The following AXIN2 variants were observed in gnomAD, a reference collection of about 807,000 sequenced individuals.
AXIN2 encodes axin-2.
A neutral mutation model predicts 74.7 loss-of-function variants in AXIN2; 21 were observed. That is an observed-to-expected ratio of 0.28 (90% CI 0.20 to 0.40). AXIN2 has a LOEUF of 0.40. AXIN2 is among the 10% of genes least tolerant of loss of function. The pLI, the probability that AXIN2 is intolerant of heterozygous loss-of-function variation, is 1.00. For synonymous variants in AXIN2, 532 were observed against 454.9 expected (o/e 1.17, Z -2.16); for missense variants, 1,144 against 1,111.1 (o/e 1.03, Z -0.42).
chr17:65,553,483 T>C (rs1248468387), intron 2 of AXIN2, among the ~76,000 whole-genome samples: 5 of 152,124 alleles, frequency 3.3e-5, no homozygotes, highest in African/African-American at 7.2e-5. Flanking sequence ...AATGACTCAA[T>C]AGAAAATTCC....
chr17:65,547,133 T>C (rs1445452019), intron 3 of AXIN2, among the ~76,000 whole-genome samples: 1 of 152,144 alleles, frequency 6.6e-6, no homozygotes, highest in South Asian at 2.1e-4. Context: ...AAAGAAAGTT[T>C]TTCTTCTGGG....
intron 8 of AXIN2, among the ~76,000 whole-genome samples, chr17:65,536,115 C>T (rs938302712): frequency 2.6e-5 from 4 of 152,226 alleles, no homozygotes; most frequent in Admixed American, 2.6e-4. Flanking sequence ...CAGATCCTGG[C>T]TTAACTCTAG....
rs779214199 is a variant in AXIN2, at chr17:65,536,518, G to C, written c.1943C>G (p.Ser648Cys). 6.2e-7 allele frequency: 1 copy of C among 1,613,866 alleles called. No individual in the cohort carries two copies. The highest frequency in any genetic ancestry group is 1.1e-5 in the South Asian group (1 of 91,080). ...TCGTTCGCCTGGAGACGAGCGGGCA[G>C]ACTCCAAGGGGTAGGCCTTTTTTGT... is the stretch of plus-strand genomic sequence containing the variant. ...QSTKKAYPLE[S>C]ARSSPGERAS... The change falls in exon 8 of 11, where the codon TCT (serine) becomes TGT (cysteine). Residue 648 changes from serine to cysteine, a missense_variant. Around this residue, in one of 4 missense-constraint regions of AXIN2, gnomAD observed 1,053 missense variants for 973.5 expected, o/e 1.08. Transcript: ENST00000307078.
chr17:65,541,534 A>C lies in AXIN2; in HGVS notation c.980T>G (p.Val327Gly). Reference sequence around the variant, plus strand: ...TCTCTGGAGCTGTTTCTTACTGCCCACACGATAAGGAGGAATTCCATCTCT... The same window carrying C: ...TCTCTGGAGCTGTTTCTTACTGCCCCCACGATAAGGAGGAATTCCATCTCT... ...SSVDGIPPYR[V>G]GSKKQLQREM... The change falls in exon 4 of 11, where the codon GTG becomes GGG. Residue 327 changes from valine to glycine, a missense_variant. Val to Gly is a moderately radical substitution (Grantham distance 109, BLOSUM62 -3). Around this residue, in one of 4 missense-constraint regions of AXIN2, gnomAD observed 1,053 missense variants for 973.5 expected, o/e 1.08. Transcript: ENST00000307078. 6.2e-7 allele frequency: 1 copy of C among 1,614,162 alleles called. No homozygotes were observed.
intron 1 of AXIN2, chr17:65,560,382 G>T (rs1445393360): frequency 6.6e-6 from 1 of 151,420 alleles, no homozygotes; most frequent in Non-Finnish European, 1.5e-5. Context: ...AAAGGGGAGG[G>T]GGAAGAGAAG....
intron 2 of AXIN2, among the ~76,000 whole-genome samples, chr17:65,553,127 C>T (rs2144557670): frequency 6.6e-6 from 1 of 152,346 alleles, no homozygotes; most frequent in African/African-American, 2.4e-5. Flanking sequence ...AATGACTGGA[C>T]ACTGGTGTTT....
At chr17:65,535,385 G>C (rs1187326207) in intron 9 of AXIN2, among the ~76,000 whole-genome samples, 1 of 152,186 alleles carries the variant, frequency 6.6e-6, no homozygotes, top group African/African-American at 2.4e-5. Flanking sequence ...CTACACTTCT[G>C]CTAATGGCTT....
At position 65,537,306 on chromosome 17, in the gene AXIN2, G is replaced by A. The variant is rs370314874; in HGVS notation, c.1712+18C>T. On this transcript the variant is annotated intron_variant, in intron 6 of 10. Coordinates refer to ENST00000307078, the MANE Select transcript of AXIN2 (RefSeq NM_004655.4). ...AGACAAGCCCCACACGGGACACTGCGGTCCGCCCGGCACTTACCCAAACTG... is the reference window on the plus strand; with the variant it reads ...AGACAAGCCCCACACGGGACACTGCAGTCCGCCCGGCACTTACCCAAACTG... 7 of 1,613,550 alleles carry A rather than the reference G, an allele frequency of 4.3e-6. No individual in the cohort carries two copies. The highest frequency in any genetic ancestry group is 1.7e-4 in the Middle Eastern group (1 of 5,744).
At chr17:65,547,619 T>G (rs1025749358) in intron 3 of AXIN2, among the ~76,000 whole-genome samples, 2 of 152,178 alleles carry the variant, frequency 1.3e-5, no homozygotes, top group Non-Finnish European at 2.9e-5. Context: ...AAGCCAAAAA[T>G]AGTCTCTAAG....
At chr17:65,534,992 T>C (rs532327975) in intron 9 of AXIN2, among the ~76,000 whole-genome samples, 38 of 152,186 alleles carry the variant, frequency 2.5e-4, no homozygotes, top group African/African-American at 8.2e-4. Flanking sequence ...GGTCAACCAA[T>C]TGAAACAATG....
intron 9 of AXIN2, among the ~76,000 whole-genome samples, chr17:65,535,147 G>A (rs570779933): frequency 3.3e-5 from 5 of 152,284 alleles, no homozygotes; most frequent in Admixed American, 3.3e-4. Flanking sequence ...GTAATTAAAC[G>A]AGCAGGCTCC....
chr17:65,535,864 G>T, intron 8 of AXIN2, 143 bp from the exon 9 acceptor site: 1 of 776,780 alleles, frequency 1.3e-6, no homozygotes, highest in Non-Finnish European at 2.2e-6. Context: ...CCAAGACCCT[G>T]GGTTAACAGT....
chr17:65,538,787 T>A (rs889464736), intron 4 of AXIN2, among the ~76,000 whole-genome samples: 4 of 144,792 alleles, frequency 2.8e-5, no homozygotes, highest in Non-Finnish European at 6.0e-5. Context: ...GTTGAAAATT[T>A]AAAAAAATAA....
Position 65,537,812 on chromosome 17 carries a change from C to A in AXIN2, c.1224G>T (p.Glu408Asp). 1.3e-6 allele frequency: 2 copies of A among 1,572,562 alleles called. No individual in the cohort carries two copies. Among genetic ancestry groups the A allele is most frequent in the South Asian group, 1.2e-5 (1 of 84,492 alleles). The change falls in exon 6 of 11, where the codon GAG (glutamate) becomes GAT (aspartate). Residue 408 changes from glutamate (E) to aspartate (D), a missense_variant. Glu to Asp is a conservative substitution (Grantham distance 45). This residue lies in a region of AXIN2 where 1,053 missense variants were observed against 973.5 expected (regional missense o/e 1.08). Transcript: ENST00000307078. ...CCCCCTCCCGCGAATTGAGTGTGAG[C>A]TCGGAGCCCTCTCTCTCTTCATCCT... is the stretch of plus-strand genomic sequence containing the variant. ...IREDEEREGSELTLNSREGAP... is the reference protein window; with the variant it reads ...IREDEEREGSDLTLNSREGAP...
rs149071863 is a variant in AXIN2 at position 65,557,311 on chromosome 17, T to C, written c.815+495A>G. 3.7e-3 allele frequency among the ~76,000 whole-genome samples: 563 copies of C among 152,256 alleles called. 6 individuals carry two copies. Among genetic ancestry groups the C allele is most frequent in the African/African-American group, 0.013 (542 of 41,526 alleles). On this transcript the variant is annotated intron_variant, in intron 2 of 10. Coordinates refer to ENST00000307078, the MANE Select transcript of AXIN2 (RefSeq NM_004655.4). Reference sequence around the variant, plus strand: ...CAGTTAAGCCAATTGCTGGCTCTTATCTTAACAGAAAAGTTCAAAAAAAAA... The same window carrying C: ...CAGTTAAGCCAATTGCTGGCTCTTACCTTAACAGAAAAGTTCAAAAAAAAA...
rs768826095 is a variant in AXIN2 at position 65,536,576 on chromosome 17, G to C, written c.1908-23C>G. On this transcript the variant is annotated intron_variant, in intron 7 of 10. Transcript: ENST00000307078. ...GCACTAAACAAGGAATGAGCAGAGA[G>C]AAAACAGAAGGAAAGAAACTGGGTT... 3.7e-6 allele frequency: 6 copies of C among 1,611,554 alleles called. No homozygotes were observed. The African/African-American group carries it at 5.3e-5, about 14-fold the overall frequency.
chr17:65,558,226 T>C lies in AXIN2; in HGVS notation c.395A>G (p.Lys132Arg), dbSNP rs2044302758. ...LKDTKTLRVA[K>R]AIYKRYIENN... ...CTCAATGTACCTTTTGTAGATCGCT[T>C]TGGCTACTCGTAAAGTTTTGGTATC... Residue 132 changes from lysine to arginine, a missense_variant, in exon 2 of 11, where the codon AAA (lysine) becomes AGA (arginine). This residue lies in a region of AXIN2 where 1,053 missense variants were observed against 973.5 expected (regional missense o/e 1.08). Coordinates refer to ENST00000307078, the MANE Select transcript of AXIN2 (RefSeq NM_004655.4). 1.2e-6 allele frequency: 2 copies of C among 1,614,144 alleles called. No homozygotes were observed. The highest frequency in any genetic ancestry group is 2.2e-5 in the East Asian group (1 of 44,872).
chr17:65,535,612 G>A lies in AXIN2; in HGVS notation c.2237+14C>T, dbSNP rs199967596. 6.2e-7 allele frequency: 1 copy of A among 1,611,400 alleles called. No individual in the cohort carries two copies. The highest frequency in any genetic ancestry group is 2.2e-5 in the East Asian group (1 of 44,878). On this transcript the variant is annotated intron_variant, in intron 9 of 10. Transcript: ENST00000307078. The stretch of plus-strand genomic sequence containing the variant: ...ACTCGGCAGATCTCAGTAATGTCAG[G>A]TAAAGACACTCACTCTTCTGGAGCC...
chr17:65,552,986 C>G (rs1188296798), intron 2 of AXIN2, among the ~76,000 whole-genome samples: 1 of 152,144 alleles, frequency 6.6e-6, no homozygotes, highest in Non-Finnish European at 1.5e-5. Context: ...AGAGATCACA[C>G]CATTGCACTC....
Sources: gnomAD v4.1 joint callset for allele counts (sites outside exome capture counted in the v4.1 genomes callset) on GRCh38, gnomAD v4.1.1 for gene constraint, gnomAD v4.1.1 regional missense constraint, MANE v1.5 for transcripts, NCBI Gene and HGNC (gene_info 2026-07-23, HGNC 2026-07-21) for gene names.